Variants in RBFOX3 observed in about 807,000 individuals in gnomAD.
RBFOX3 encodes the protein RNA binding fox-1 homolog 3, also known as RNA binding protein fox-1 homolog 3.
A neutral mutation model predicts 48.7 loss-of-function variants in RBFOX3; 17 were observed. The ratio of observed to expected loss-of-function variants is 0.35; its 90% confidence interval spans 0.24 to 0.52. RBFOX3 has a LOEUF of 0.52. Among genes scored for constraint, RBFOX3 ranks in the 20% least tolerant of loss-of-function variants. RBFOX3 has a pLI of 0.94. For synonymous variants in RBFOX3, 212 were observed against 209.5 expected, an observed-to-expected ratio of 1.01 and a Z score of -0.10; for missense variants, 382 against 497.5, an observed-to-expected ratio of 0.77 and a Z score of 2.21.
chr17:79,171,748 T>A (rs2049347195), intron 4 of RBFOX3, among the ~76,000 whole-genome samples: 1 of 118,134 alleles, frequency 8.5e-6, no homozygotes, highest in Admixed American at 8.0e-5. Context: ...ATGTGTGAGC[T>A]CAAACTCTTG....
In RBFOX3 at chr17:79,432,207, C is replaced by T. The variant is rs116125576; in HGVS notation, c.-175+50247G>A. ...GTTTCTCCATTCATCTGTGGCTGGA[C>T]GCTTGGGTTTTCCACCTCTTGGCTC... On this transcript the variant is annotated intron_variant, in intron 2 of 14. Transcript: ENST00000693108. Among the ~76,000 whole-genome samples the T allele has an allele frequency of 5.2e-3, 791 of 152,334 alleles. 13 individuals carry two copies. The highest frequency in any genetic ancestry group is 0.018 in the African/African-American group (752 of 41,554).
intron 2 of RBFOX3, among the ~76,000 whole-genome samples, chr17:79,411,041 T>G (rs899759692): frequency 6.6e-6 from 1 of 152,176 alleles, no homozygotes; most frequent in Non-Finnish European, 1.5e-5. Flanking sequence ...GCCAGCTACC[T>G]TGCCATTTTG....
chr17:79,662,957 C>T, the RBFOX3 span, among the ~76,000 whole-genome samples: 1 of 152,154 alleles, frequency 6.6e-6, no homozygotes, highest in African/African-American at 2.4e-5. Flanking sequence ...CAAGGAATGA[C>T]AAACACAGGA....
At chr17:79,638,033 A>C in the RBFOX3 span, among the ~76,000 whole-genome samples, 1 of 91,010 alleles carries the variant, frequency 1.1e-5, no homozygotes, top group Non-Finnish European at 2.5e-5. Flanking sequence ...TTTTAAAAAT[A>C]TCTCAAGACA....
In RBFOX3 at chr17:79,199,303, G is replaced by A. The variant is rs895174342; in HGVS notation, c.-34+36463C>T. ...CTTCCGGTGGACTTCACACCTGCACGGCACCTCCTGGCTCTCATTCATCCT... is the reference window on the plus strand; with the variant it reads ...CTTCCGGTGGACTTCACACCTGCACAGCACCTCCTGGCTCTCATTCATCCT... On this transcript the variant is annotated intron_variant, in intron 4 of 14. Transcript: ENST00000693108. The surrounding 1 kb of genome is among the most constrained non-coding windows in gnomAD (Gnocchi z 5.1). Among the ~76,000 whole-genome samples, 36 of 152,110 alleles carry A rather than the reference G, an allele frequency of 2.4e-4. No individual in the cohort carries two copies. Among genetic ancestry groups the A allele is most frequent in the African/African-American group, 8.2e-4 (34 of 41,400 alleles).
At chr17:79,511,524 G>T (rs978072969) in intron 1 of RBFOX3, among the ~76,000 whole-genome samples, 1 of 152,168 alleles carries the variant, frequency 6.6e-6, no homozygotes, top group Non-Finnish European at 1.5e-5. Context: ...TTCTGCCCGT[G>T]TGGGGTGAGG....
chr17:79,208,895 A>C (rs1179242179), intron 4 of RBFOX3, among the ~76,000 whole-genome samples: 2 of 151,680 alleles, frequency 1.3e-5, no homozygotes, highest in African/African-American at 4.8e-5. Context: ...GGCTCACTGC[A>C]AGCTCTGCCT....
chr17:79,600,278 A>C (rs2093675314), intron 1 of RBFOX3: 1 of 152,306 alleles, frequency 6.6e-6, no homozygotes, highest in Non-Finnish European at 1.5e-5. Flanking sequence ...ACACTTGTGC[A>C]TGTGCACATA....
the RBFOX3 span, among the ~76,000 whole-genome samples, chr17:79,649,667 T>C: frequency 0.67 from 101,322 of 152,142 alleles, 36,289 homozygotes; most frequent in East Asian, 0.93. Context: ...GATAGCGCCA[T>C]TGCACTTCAG....
At chr17:79,527,733 G>T (rs1473261314) in intron 1 of RBFOX3, among the ~76,000 whole-genome samples, 1 of 152,226 alleles carries the variant, frequency 6.6e-6, no homozygotes, top group African/African-American at 2.4e-5. Flanking sequence ...ACAGGCAGCA[G>T]ATGATGCAAC....
intron 2 of RBFOX3, among the ~76,000 whole-genome samples, chr17:79,349,428 A>T (rs2146937532): frequency 6.8e-6 from 1 of 146,702 alleles, no homozygotes; most frequent in African/African-American, 2.5e-5. Flanking sequence ...GTCACCTCTC[A>T]CTCTCCTCCT....
At chr17:79,461,718 T>C (rs2075391976) in intron 2 of RBFOX3, among the ~76,000 whole-genome samples, 1 of 152,180 alleles carries the variant, frequency 6.6e-6, no homozygotes, top group Non-Finnish European at 1.5e-5. Context: ...TCAAAGCTCT[T>C]GAAACGAAAT....
chr17:79,446,340 G>C (rs1010199301), intron 2 of RBFOX3, among the ~76,000 whole-genome samples: 5 of 152,188 alleles, frequency 3.3e-5, no homozygotes, highest in African/African-American at 1.2e-4. Flanking sequence ...AGGCAGCAAT[G>C]CGGCAGACCC....
At chr17:79,227,976 A>G (rs542099329) in intron 4 of RBFOX3, among the ~76,000 whole-genome samples, 1 of 152,284 alleles carries the variant, frequency 6.6e-6, no homozygotes, top group South Asian at 2.1e-4. Flanking sequence ...AATCCTCTGG[A>G]GAGACAAGGG....
chr17:79,482,423 T>C lies in RBFOX3; in HGVS notation c.-175+31A>G, dbSNP rs1306153524. On this transcript the variant is annotated intron_variant, in intron 2 of 14. Coordinates refer to ENST00000693108, the MANE Select transcript of RBFOX3 (RefSeq NM_001350451.2). This position sits in a 1 kb window ranked among gnomAD's most constrained non-coding sequence, Gnocchi z 4.1. ...CCTCCACAAATGCAAACTCTGGGGATGGGCATGGCGGACAGGTGGGGCCGC... is the reference window on the plus strand; with the variant it reads ...CCTCCACAAATGCAAACTCTGGGGACGGGCATGGCGGACAGGTGGGGCCGC... 4 of 152,230 alleles carry C rather than the reference T, an allele frequency of 2.6e-5. No homozygotes were observed. Among genetic ancestry groups the C allele is most frequent in the Non-Finnish European group, 4.4e-5 (3 of 68,074 alleles). The allele number at this position is 152,230 out of a possible 1,614,324, so 9.4% of individuals were successfully genotyped here.
intron 2 of RBFOX3, among the ~76,000 whole-genome samples, chr17:79,365,921 G>A (rs2057678848): frequency 6.6e-6 from 1 of 152,202 alleles, no homozygotes; most frequent in African/African-American, 2.4e-5. Context: ...GCCCTTCTTG[G>A]ATACCACACT....
At chr17:79,329,457 AG>A (rs2079868772) in intron 2 of RBFOX3, among the ~76,000 whole-genome samples, 2 of 152,142 alleles carry the variant, frequency 1.3e-5, no homozygotes, top group Admixed American at 6.5e-5. Flanking sequence ...CCACCGTAGC[AG>A]TTCCTGCTGA....
chr17:79,530,219 A>C (rs1280453808), intron 1 of RBFOX3, among the ~76,000 whole-genome samples: 3 of 152,124 alleles, frequency 2.0e-5, no homozygotes, highest in Admixed American at 2.0e-4. Flanking sequence ...GAGAGAGTGG[A>C]CTTTGCGGGG....
intron 3 of RBFOX3, among the ~76,000 whole-genome samples, chr17:79,295,080 C>T (rs968927306): frequency 6.6e-6 from 1 of 152,060 alleles, no homozygotes; most frequent in Non-Finnish European, 1.5e-5. Context: ...GCTCTCGGCC[C>T]GGGTCAGAGA....
Sources: gnomAD v4.1 joint callset for allele counts (sites outside exome capture counted in the v4.1 genomes callset) on GRCh38, gnomAD v4.1.1 for gene constraint, Gnocchi (gnomAD v3.1) non-coding constraint, MANE v1.5 for transcripts, NCBI Gene and HGNC (gene_info 2026-07-23, HGNC 2026-07-21) for gene names.